Variants in PLD5 observed in about 807,000 individuals in gnomAD.
PLD5 encodes the protein inactive phospholipase D5.
A neutral mutation model predicts 61.1 loss-of-function variants in PLD5; 36 were observed. The observed-to-expected ratio is 0.59, with a 90% CI of 0.45 to 0.78. The LOEUF (loss-of-function observed/expected upper bound fraction) is 0.78, where lower values mean the gene tolerates loss of function less well. Ranked by LOEUF, PLD5 falls within the 30% of genes least tolerant of loss-of-function variation. The pLI is 0.00. For synonymous variants in PLD5, 243 were observed against 242.8 expected (o/e 1.00, Z -0.01); for missense variants, 515 against 644.4 (o/e 0.80, Z 2.17).
At chr1:242,324,799 C>T (rs1359923322) in intron 2 of PLD5, among the ~76,000 whole-genome samples, 1 of 152,170 alleles carries the variant, frequency 6.6e-6, no homozygotes, top group African/African-American at 2.4e-5. Context: ...CAGCTGGCCC[C>T]ACCCAGACCA....
rs1439786174 is a variant in PLD5 at position 242,087,149 on chromosome 1, TG to T, written c.*2704del. 6.6e-6 allele frequency: 1 copy of T among 152,184 alleles called. No individual in the cohort carries two copies. The highest frequency in any genetic ancestry group is 1.5e-5 in the Non-Finnish European group (1 of 68,052). 9.4% of individuals were successfully genotyped at this position (152,184 alleles called of 1,614,324 possible). On this transcript the variant is annotated 3_prime_UTR_variant, in exon 10 of 10. Transcript: ENST00000536534. ...GAACCCATTTCTGACACTCTTGGTA[TG>T]GGGGTCACTTTTCTGGCTGCCACAG...
intron 5 of PLD5, among the ~76,000 whole-genome samples, chr1:242,190,665 T>C (rs1445851854): frequency 6.6e-6 from 1 of 151,862 alleles, no homozygotes; most frequent in Non-Finnish European, 1.5e-5. Context: ...GGGGATCGCT[T>C]GAGCCCAGGA....
rs147305900 is a variant in PLD5, at chr1:242,343,714, G to A, written c.326+4392C>T. Among the ~76,000 whole-genome samples, 1,472 of 151,458 alleles carry A rather than the reference G, an allele frequency of 9.7e-3. 15 individuals are homozygous for A. Among genetic ancestry groups the A allele is most frequent in the African/African-American group, 0.033 (1,355 of 41,160 alleles). The stretch of plus-strand genomic sequence containing the variant: ...TGGCTGAGGCTGCCCTGAGGACAAG[G>A]ATGGGTAAAACCAGGAGTCAACCAG... On this transcript the variant is annotated intron_variant, in intron 2 of 9. Transcript: ENST00000536534.
intron 5 of PLD5, among the ~76,000 whole-genome samples, chr1:242,170,249 C>T (rs966866743): frequency 6.6e-6 from 1 of 152,206 alleles, no homozygotes; most frequent in Non-Finnish European, 1.5e-5. Flanking sequence ...AGGCAGCAAT[C>T]TTTGCTGTTC....
At chr1:242,502,295 C>A (rs759915247) in intron 1 of PLD5, among the ~76,000 whole-genome samples, 2 of 152,142 alleles carry the variant, frequency 1.3e-5, no homozygotes, top group Admixed American at 6.5e-5. Context: ...AGGAGCTTAC[C>A]CAAGAGGAAA....
At chr1:242,149,997 G>A (rs902914110) in intron 5 of PLD5, among the ~76,000 whole-genome samples, 4 of 151,688 alleles carry the variant, frequency 2.6e-5, no homozygotes, top group African/African-American at 7.3e-5. Flanking sequence ...TCAAGGCACT[G>A]CTTTAGTTGC....
intron 8 of PLD5, 75 bp downstream of exon 8, chr1:242,107,596 G>A (rs1661165039): frequency 1.2e-5 from 16 of 1,354,160 alleles, no homozygotes; most frequent in South Asian, 9.5e-5. Context: ...ACACATAGGC[G>A]TATGCTTGCA....
chr1:242,348,776 C>T (rs144367722), intron 1 of PLD5, among the ~76,000 whole-genome samples: 2,152 of 152,206 alleles, frequency 0.014, 35 homozygotes, highest in African/African-American at 0.046. Flanking sequence ...ATCAATAGGC[C>T]GGGCGCGGTG....
intron 2 of PLD5, among the ~76,000 whole-genome samples, chr1:242,335,760 G>C (rs1346602355): frequency 6.6e-6 from 1 of 152,098 alleles, no homozygotes; most frequent in Admixed American, 6.5e-5. Context: ...CCTTATATAT[G>C]CACAAATAAT....
chr1:242,346,984 T>C (rs1393360341), intron 2 of PLD5, among the ~76,000 whole-genome samples: 1 of 152,238 alleles, frequency 6.6e-6, no homozygotes, highest in Non-Finnish European at 1.5e-5. Context: ...AAGGACGTGA[T>C]CTTGTTCCTT....
At chr1:242,169,339 C>G (rs542399226) in intron 5 of PLD5, among the ~76,000 whole-genome samples, 1 of 151,954 alleles carries the variant, frequency 6.6e-6, no homozygotes, top group Non-Finnish European at 1.5e-5. Context: ...TGCAAGGGGT[C>G]GGGGAATTTT....
chr1:242,297,138 G>A (rs1429435078), intron 2 of PLD5, among the ~76,000 whole-genome samples: 1 of 152,062 alleles, frequency 6.6e-6, no homozygotes, highest in Non-Finnish European at 1.5e-5. Context: ...GAGGTCAAGA[G>A]ATCGAGACCA....
At chr1:242,252,658 G>A (rs996004282) in intron 4 of PLD5, among the ~76,000 whole-genome samples, 1 of 152,090 alleles carries the variant, frequency 6.6e-6, no homozygotes, top group African/African-American at 2.4e-5. Context: ...GGGATCCCAT[G>A]ATCAGTATTT....
At chr1:242,372,288 C>T (rs1238254477) in intron 1 of PLD5, among the ~76,000 whole-genome samples, 1 of 152,104 alleles carries the variant, frequency 6.6e-6, no homozygotes, top group Admixed American at 6.6e-5. Context: ...CTCTAAAAGC[C>T]CTGCTTTGTG....
intron 5 of PLD5, among the ~76,000 whole-genome samples, chr1:242,139,504 G>C (rs1312306371): frequency 6.6e-6 from 1 of 151,854 alleles, no homozygotes; most frequent in East Asian, 1.9e-4. Context: ...TTGTTCAATG[G>C]GCATCGGGGG....
At chr1:242,417,173 T>C (rs1401330830) in intron 1 of PLD5, among the ~76,000 whole-genome samples, 1 of 152,092 alleles carries the variant, frequency 6.6e-6, no homozygotes, top group Non-Finnish European at 1.5e-5. Context: ...GGGGTTAATC[T>C]GGGGGAAGAA....
At chr1:242,479,468 G>T (rs1667700419) in intron 1 of PLD5, among the ~76,000 whole-genome samples, 1 of 152,038 alleles carries the variant, frequency 6.6e-6, no homozygotes, top group African/African-American at 2.4e-5. Context: ...AATCTAATAA[G>T]ACCTATTCTC....
At chr1:242,099,818 T>C (rs895584644) in intron 9 of PLD5, among the ~76,000 whole-genome samples, 3 of 152,244 alleles carry the variant, frequency 2.0e-5, no homozygotes, top group African/African-American at 7.2e-5. Context: ...CATGAACATG[T>C]TTCTTTCTGC....
rs5782218 is a variant in PLD5, at chr1:242,161,468, GAA to G, written c.736-36805_736-36804del. Among the ~76,000 whole-genome samples, 92 of 151,384 alleles carry G rather than the reference GAA, an allele frequency of 6.1e-4. 1 individual carries two copies. Among genetic ancestry groups the G allele is most frequent in the African/African-American group, 1.3e-3 (52 of 41,224 alleles). On this transcript the variant is annotated intron_variant, in intron 5 of 9. Coordinates refer to ENST00000536534, the MANE Select transcript of PLD5 (RefSeq NM_001372062.1). ...AGAAGTATATGTACCTGTGGGAACAGAAAAAAAAAATAGTATTAAAGTGGTTG... is the reference window on the plus strand; with the variant it reads ...AGAAGTATATGTACCTGTGGGAACAGAAAAAAAATAGTATTAAAGTGGTTG...
Sources: gnomAD v4.1 joint callset for allele counts (sites outside exome capture counted in the v4.1 genomes callset) on GRCh38, gnomAD v4.1.1 for gene constraint, MANE v1.5 for transcripts, NCBI Gene and HGNC (gene_info 2026-07-23, HGNC 2026-07-21) for gene names.